RORA: variants seen among roughly 807,000 people sequenced by gnomAD.
The protein encoded by RORA is RAR related orphan receptor A, also known as nuclear receptor ROR-alpha.
Under a neutral mutation model 69.5 loss-of-function variants are expected in RORA, and 7 were observed. That is an observed-to-expected ratio of 0.10 (90% confidence interval 0.06 to 0.19). The LOEUF (loss-of-function observed/expected upper bound fraction) is 0.19, where lower values mean the gene tolerates loss of function less well. RORA is among the 10% of genes least tolerant of loss of function. RORA has a pLI of 1.00. For missense variants in RORA, 457 were observed against 663.0 expected (o/e 0.69, Z 3.41); for synonymous variants, 261 against 240.8 (o/e 1.08, Z -0.78).
intron 2 of RORA, among the ~76,000 whole-genome samples, chr15:60,604,744 T>C (rs2068906311): frequency 6.6e-6 from 1 of 152,240 alleles, no homozygotes; most frequent in South Asian, 2.1e-4. Flanking sequence ...GGTTTTCCAT[T>C]CTAGTTCCAA....
At chr15:60,727,640 G>C (rs915493997) in intron 1 of RORA, among the ~76,000 whole-genome samples, 1 of 152,104 alleles carries the variant, frequency 6.6e-6, no homozygotes. Flanking sequence ...ACCAGTGCAC[G>C]AAGGGAGAAG....
intron 1 of RORA, among the ~76,000 whole-genome samples, chr15:61,224,796 G>C (rs1329167052): frequency 6.6e-6 from 1 of 152,140 alleles, no homozygotes; most frequent in Non-Finnish European, 1.5e-5. Context: ...ACGCCTCCCT[G>C]TGTCCCACTT....
At chr15:61,183,905 CT>C (rs1009686509) in intron 1 of RORA, among the ~76,000 whole-genome samples, 4 of 152,234 alleles carry the variant, frequency 2.6e-5, no homozygotes, top group Admixed American at 2.0e-4. Flanking sequence ...ACAGACACGC[CT>C]TGTCTAACCT....
chr15:61,057,319 T>C (rs1273944856), intron 1 of RORA, among the ~76,000 whole-genome samples: 1 of 152,208 alleles, frequency 6.6e-6, no homozygotes, highest in Non-Finnish European at 1.5e-5. Context: ...AGAGTCAGAA[T>C]ATTGTTTCTT....
chr15:61,108,482 G>A (rs1368233495), intron 1 of RORA, among the ~76,000 whole-genome samples: 3 of 152,190 alleles, frequency 2.0e-5, no homozygotes, highest in Admixed American at 1.3e-4. Context: ...CAGCTATACC[G>A]ATTTGTTGAC....
At chr15:60,996,330 C>A (rs1181815179) in intron 1 of RORA, among the ~76,000 whole-genome samples, 1 of 152,094 alleles carries the variant, frequency 6.6e-6, no homozygotes, top group Non-Finnish European at 1.5e-5. Context: ...CCTCGGCCTC[C>A]CAAAGTGCTA....
intron 1 of RORA, among the ~76,000 whole-genome samples, chr15:61,218,175 TTGTG>T (rs72135304): frequency 0.02 from 2,899 of 148,358 alleles, 59 homozygotes; most frequent in African/African-American, 0.056. Context: ...CATGAAATGT[TTGTG>T]TGTGTGTGTG....
chr15:60,627,436 A>G (rs2069619944), intron 2 of RORA: 12 of 1,607,184 alleles, frequency 7.5e-6, no homozygotes, highest in Admixed American at 1.7e-5. Context: ...CCAGTGTACT[A>G]TGGAGTCCAA....
At chr15:60,804,187 C>T (rs1346190147) in intron 1 of RORA, among the ~76,000 whole-genome samples, 1 of 144,828 alleles carries the variant, frequency 6.9e-6, no homozygotes, top group Non-Finnish European at 1.5e-5. Flanking sequence ...ACTTGGGAGG[C>T]GGAGGCAGGA....
intron 1 of RORA, among the ~76,000 whole-genome samples, chr15:61,082,080 G>A (rs969812503): frequency 1.3e-5 from 2 of 152,162 alleles, no homozygotes; most frequent in African/African-American, 2.4e-5. Flanking sequence ...AAATAATTTT[G>A]TAAAGTGCTG....
rs1352059626 is a variant in RORA, at chr15:60,615,108, A to G, written c.196+63549T>C. 1.3e-5 allele frequency: 21 copies of G among 1,555,900 alleles called. 1 individual carries two copies. The highest frequency in any genetic ancestry group is 2.4e-5 in the South Asian group (2 of 84,776). On this transcript the variant is annotated intron_variant, in intron 2 of 10. Coordinates refer to ENST00000335670, the MANE Select transcript of RORA (RefSeq NM_134261.3). ...AGAACCTGGTGGTGGATCAGCTGCC[A>G]CTATCCACAGCCACCCAAGTCCTAA...
chr15:60,593,734 T>C (rs1423784622), intron 2 of RORA, among the ~76,000 whole-genome samples: 4 of 152,300 alleles, frequency 2.6e-5, no homozygotes, highest in African/African-American at 9.6e-5. Flanking sequence ...TCTGCTTGCT[T>C]TTCTGTTGGT....
chr15:60,525,340 C>T (rs1166739072), intron 3 of RORA, among the ~76,000 whole-genome samples: 2 of 152,096 alleles, frequency 1.3e-5, no homozygotes, highest in East Asian at 1.9e-4. Context: ...GGAAGGTGAA[C>T]GGGGGTCTGA....
intron 1 of RORA, among the ~76,000 whole-genome samples, chr15:60,916,467 C>T (rs1188061582): frequency 6.6e-6 from 1 of 152,198 alleles, no homozygotes; most frequent in South Asian, 2.1e-4. Context: ...ATCCACTTGA[C>T]TAAAAGAGGA....
At chr15:61,105,097 T>C (rs938782756) in intron 1 of RORA, among the ~76,000 whole-genome samples, 34 of 151,320 alleles carry the variant, frequency 2.2e-4, no homozygotes, top group Middle Eastern at 3.4e-3. Flanking sequence ...AGCATGAAAG[T>C]GGACTAATAC....
At position 60,864,150 on chromosome 15, in the gene RORA, G is replaced by A. The variant is rs552018886; in HGVS notation, c.167-185464C>T. 3.3e-5 allele frequency among the ~76,000 whole-genome samples: 5 copies of A among 152,266 alleles called. No individual in the cohort carries two copies. The South Asian group carries it at 1.0e-3, about 32-fold the overall frequency. On this transcript the variant is annotated intron_variant, in intron 1 of 10. Transcript: ENST00000335670. ...TTTGTAGGAGGAGGCGGACAACTGG[G>A]GTGGCATGGTGGGGGTGGTTTAAGT...
At chr15:60,685,682 A>G (rs1044833160) in intron 1 of RORA, among the ~76,000 whole-genome samples, 1 of 152,206 alleles carries the variant, frequency 6.6e-6, no homozygotes, top group Non-Finnish European at 1.5e-5. Context: ...TAATCTTTGG[A>G]CTTTGTTTCA....
intron 5 of RORA, 38 bp from the exon 6 acceptor site, chr15:60,505,667 A>T: frequency 6.2e-7 from 1 of 1,606,366 alleles, no homozygotes; most frequent in Non-Finnish European, 8.5e-7. Context: ...ACGAAAAGCG[A>T]AGTTCTTTGA....
chr15:61,168,088 G>T (rs947308753), intron 1 of RORA, among the ~76,000 whole-genome samples: 49 of 151,548 alleles, frequency 3.2e-4, no homozygotes, highest in African/African-American at 1.1e-3. Flanking sequence ...GTTGTTTCCT[G>T]TAGAAAACTT....
Sources: allele counts gnomAD v4.1 joint callset (sites outside exome capture counted in the v4.1 genomes callset), GRCh38; gene constraint gnomAD v4.1.1; transcripts MANE v1.5; gene names NCBI Gene and HGNC (gene_info 2026-07-23, HGNC 2026-07-21).